Variants in GALNT18 observed in about 807,000 individuals in gnomAD.
GALNT18 encodes polypeptide N-acetylgalactosaminyltransferase 18, also known as GalNAc-transferase 18.
A neutral mutation model predicts 69.5 loss-of-function variants in GALNT18; 44 were observed. The ratio of observed to expected loss-of-function variants is 0.63; its 90% CI spans 0.50 to 0.81. The LOEUF (loss-of-function observed/expected upper bound fraction) is 0.81, where lower values mean the gene tolerates loss of function less well. Ranked by LOEUF, GALNT18 falls within the 40% of genes least tolerant of loss-of-function variation. The probability of loss-of-function intolerance (pLI) is 0.00; values close to 1 mark genes in which losing one functional copy is unlikely to be tolerated. For synonymous variants in GALNT18, 364 were observed against 318.2 expected, an observed-to-expected ratio of 1.14 and a Z score of -1.53; for missense variants, 715 against 810.0, an observed-to-expected ratio of 0.88 and a Z score of 1.42.
intron 6 of GALNT18, among the ~76,000 whole-genome samples, chr11:11,370,428 G>A (rs959693302): frequency 1.3e-5 from 2 of 152,164 alleles, no homozygotes; most frequent in African/African-American, 2.4e-5. Context: ...CAGTGGTTCC[G>A]TAACCCTTAA....
Position 11,586,498 on chromosome 11 carries a change from T to C in GALNT18, c.235+34861A>G, listed in dbSNP as rs1320188991. Among the ~76,000 whole-genome samples the C allele has an allele frequency of 1.3e-5, 2 of 152,152 alleles. No homozygotes were observed. The highest frequency in any genetic ancestry group is 4.8e-5 in the African/African-American group (2 of 41,434). On this transcript the variant is annotated intron_variant, in intron 1 of 10. Transcript: ENST00000227756. This position sits in a 1 kb window ranked among gnomAD's most constrained non-coding sequence, Gnocchi z 4.1. Reference sequence around the variant, plus strand: ...AATTCTACCTGTTCAGGGCCCAGCATCCATAACTAGCCCCAGTTTCAGCCT... The same window carrying C: ...AATTCTACCTGTTCAGGGCCCAGCACCCATAACTAGCCCCAGTTTCAGCCT...
intron 9 of GALNT18, among the ~76,000 whole-genome samples, chr11:11,299,619 T>G (rs1285816919): frequency 6.6e-6 from 1 of 152,218 alleles, no homozygotes; most frequent in African/African-American, 2.4e-5. Context: ...GGCCTGCAAC[T>G]CCATCCAAGT....
intron 1 of GALNT18, among the ~76,000 whole-genome samples, chr11:11,506,944 A>G (rs1857079539): frequency 6.6e-6 from 1 of 152,194 alleles, no homozygotes; most frequent in African/African-American, 2.4e-5. Context: ...GATGCCCCAG[A>G]CAAGAAAAAG....
intron 10 of GALNT18, among the ~76,000 whole-genome samples, chr11:11,284,914 T>TTTTTG (rs764520316): frequency 8.9e-6 from 1 of 111,946 alleles, no homozygotes; most frequent in Non-Finnish European, 2.0e-5. Flanking sequence ...TCGTGTTTTT[T>TTTTTG]TTTTTTTTTT....
At chr11:11,615,877 A>C (rs1315719901) in intron 1 of GALNT18, among the ~76,000 whole-genome samples, 1 of 152,224 alleles carries the variant, frequency 6.6e-6, no homozygotes, top group Non-Finnish European at 1.5e-5. Flanking sequence ...CCACTGCCCT[A>C]AGGCATCTAT....
chr11:11,441,619 C>A (rs1855533130), intron 2 of GALNT18, among the ~76,000 whole-genome samples: 1 of 152,144 alleles, frequency 6.6e-6, no homozygotes, highest in African/African-American at 2.4e-5. Flanking sequence ...AACCCCAGAG[C>A]CACATGAGGA....
chr11:11,293,091 G>A lies in GALNT18; in HGVS notation c.1615C>T (p.Arg539Trp), dbSNP rs751588560. ...TTGGCGTAGCTGCATTCGATGAGCC[G>A]GGGCCGGCTGTTGACGTCCACCAGG... ...RCLVDVNSRP[R>W]LIECSYAKAK... The change falls in exon 10 of 11, where the codon CGG becomes TGG. Residue 539 changes from arginine (R) to tryptophan (W), a missense_variant. Physicochemically the swap from Arg to Trp is moderately radical, Grantham distance 101. Transcript: ENST00000227756. 23 of 1,382,232 alleles carry A rather than the reference G, an allele frequency of 1.7e-5. No homozygotes were observed. The highest frequency in any genetic ancestry group is 5.5e-5 in the East Asian group (2 of 36,186). 85.6% of individuals were successfully genotyped at this position (1,382,232 alleles called of 1,614,324 possible).
At chr11:11,325,356 G>T (rs772586233) in intron 9 of GALNT18, among the ~76,000 whole-genome samples, 2 of 152,104 alleles carry the variant, frequency 1.3e-5, no homozygotes, top group Non-Finnish European at 2.9e-5. Context: ...TGGGGACTTA[G>T]CAGGGAAGGT....
chr11:11,490,229 T>TAACA (rs1476845503), intron 1 of GALNT18, among the ~76,000 whole-genome samples: 1,057 of 70,010 alleles, frequency 0.015, 4 homozygotes, highest in East Asian at 0.037. Context: ...TCTCTCTCTC[T>TAACA]CTCTAACACA....
chr11:11,417,555 A>C (rs1854894920), intron 3 of GALNT18, among the ~76,000 whole-genome samples: 2 of 152,318 alleles, frequency 1.3e-5, no homozygotes, highest in South Asian at 4.1e-4. Context: ...GTGAATCTCC[A>C]ACTTGAGAAA....
In GALNT18 at chr11:11,383,816, CCTCT is replaced by C. The variant is rs145122557; in HGVS notation, c.596-4556_596-4553del. Among the ~76,000 whole-genome samples, 37 of 147,806 alleles carry C rather than the reference CCTCT, an allele frequency of 2.5e-4. No individual in the cohort carries two copies. Among genetic ancestry groups the C allele is most frequent in the South Asian group, 2.2e-3 (10 of 4,548 alleles). On this transcript the variant is annotated intron_variant, in intron 3 of 10. Coordinates refer to ENST00000227756, the MANE Select transcript of GALNT18 (RefSeq NM_198516.3). This position sits in a 1 kb window ranked among gnomAD's most constrained non-coding sequence, Gnocchi z 5.2. ...ATCTGATGGTTTAAGTGTGGCACTTCCTCTCTCTCTCTCTCTCTCTCTCTGTCTC... is the reference window on the plus strand; with the variant it reads ...ATCTGATGGTTTAAGTGTGGCACTTCCTCTCTCTCTCTCTCTCTCTGTCTC...
chr11:11,295,442 C>A (rs1030542794), intron 9 of GALNT18, among the ~76,000 whole-genome samples: 1 of 150,676 alleles, frequency 6.6e-6, no homozygotes, highest in Admixed American at 6.6e-5. Context: ...GTCACCAGAA[C>A]GTGTAAGAGA....
At position 11,469,364 on chromosome 11, in the gene GALNT18, A is replaced by C. The variant is rs1856223686; in HGVS notation, c.236-20428T>G. On this transcript the variant is annotated intron_variant, in intron 1 of 10. Transcript: ENST00000227756. This position sits in a 1 kb window ranked among gnomAD's most constrained non-coding sequence, Gnocchi z 4.2. ...TATAAGCACTTCCAAGCTTCACAGC[A>C]ATAGACAGTCCTCGTCAAGTTTGTT... Among the ~76,000 whole-genome samples the C allele has an allele frequency of 6.6e-6, 1 of 152,230 alleles. No individual in the cohort carries two copies. Among genetic ancestry groups the C allele is most frequent in the Non-Finnish European group, 1.5e-5 (1 of 68,044 alleles).
At chr11:11,547,659 G>C (rs1027336387) in intron 1 of GALNT18, among the ~76,000 whole-genome samples, 2 of 152,204 alleles carry the variant, frequency 1.3e-5, no homozygotes, top group African/African-American at 4.8e-5. Flanking sequence ...TCGAGACCCT[G>C]CTACCATGAA....
At position 11,511,010 on chromosome 11, in the gene GALNT18, T is replaced by C. The variant is rs1478413368; in HGVS notation, c.236-62074A>G. Among the ~76,000 whole-genome samples the C allele has an allele frequency of 6.6e-6, 1 of 151,958 alleles. No homozygotes were observed. The highest frequency in any genetic ancestry group is 1.5e-5 in the Non-Finnish European group (1 of 67,998). Reference sequence around the variant, plus strand: ...GACAGACACAACCGGCACTCTTTCCTCTCGGCGGGGCGTGCAGCTGGTACC... The same window carrying C: ...GACAGACACAACCGGCACTCTTTCCCCTCGGCGGGGCGTGCAGCTGGTACC... On this transcript the variant is annotated intron_variant, in intron 1 of 10. Transcript: ENST00000227756. This position sits in a 1 kb window ranked among gnomAD's most constrained non-coding sequence, Gnocchi z 4.9.
At chr11:11,501,136 G>A (rs946274552) in intron 1 of GALNT18, among the ~76,000 whole-genome samples, 2 of 152,186 alleles carry the variant, frequency 1.3e-5, no homozygotes, top group African/African-American at 4.8e-5. Flanking sequence ...CCCCAGACTT[G>A]ACAGCAATCC....
At chr11:11,299,635 C>A (rs1305854521) in intron 9 of GALNT18, among the ~76,000 whole-genome samples, 1 of 152,188 alleles carries the variant, frequency 6.6e-6, no homozygotes, top group Non-Finnish European at 1.5e-5. Flanking sequence ...CAAGTTGCTG[C>A]AAATGCCATT....
chr11:11,496,000 C>T (rs186350325), intron 1 of GALNT18, among the ~76,000 whole-genome samples: 3 of 152,304 alleles, frequency 2.0e-5, no homozygotes, highest in Non-Finnish European at 2.9e-5. Flanking sequence ...AATCCTAATC[C>T]TAAAACATAT....
intron 6 of GALNT18, among the ~76,000 whole-genome samples, chr11:11,344,232 A>G (rs1564902761): frequency 1.4e-5 from 2 of 140,084 alleles, no homozygotes; most frequent in African/African-American, 5.4e-5. Flanking sequence ...TAGCCACGCT[A>G]TTTTTTTTAC....
Sources: allele counts gnomAD v4.1 joint callset (sites outside exome capture counted in the v4.1 genomes callset), GRCh38; gene constraint gnomAD v4.1.1; non-coding constraint Gnocchi (gnomAD v3.1); transcripts MANE v1.5; gene names NCBI Gene and HGNC (gene_info 2026-07-23, HGNC 2026-07-21).